Variants in ABCG2 observed in about 807,000 individuals in gnomAD.
The protein encoded by ABCG2 is ATP binding cassette subfamily G member 2 (JR blood group).
A neutral mutation model predicts 73.5 loss-of-function variants in ABCG2; 80 were observed. The observed-to-expected ratio is 1.09, with a 90% CI of 0.91 to 1.31. ABCG2 has a LOEUF of 1.31. Ranked by LOEUF, ABCG2 falls within the 50% of genes most tolerant of loss-of-function variation. ABCG2 has a pLI of 0.00. For synonymous variants in ABCG2, 269 were observed against 282.4 expected (o/e 0.95, Z 0.48); for missense variants, 796 against 786.2 (o/e 1.01, Z -0.15).
intron 5 of ABCG2, among the ~76,000 whole-genome samples, chr4:88,129,690 A>G (rs559661124): frequency 6.6e-6 from 1 of 152,372 alleles, no homozygotes; most frequent in South Asian, 2.1e-4. Context: ...TATGAAGTAT[A>G]CACCATTAGA....
At chr4:88,147,302 C>T (rs1449990240) in intron 1 of ABCG2, among the ~76,000 whole-genome samples, 1 of 151,978 alleles carries the variant, frequency 6.6e-6, no homozygotes, top group Non-Finnish European at 1.5e-5. Context: ...CTCAAAAAAA[C>T]GTACCTAAAC....
Position 88,158,140 on chromosome 4 carries a change from T to C in ABCG2, c.-20+246A>G, listed in dbSNP as rs150293783. ...CATTTGGAGAAAGGCCAAGAGTTTTTACCAACCCACACTTAACACACTATG... is the reference window on the plus strand; with the variant it reads ...CATTTGGAGAAAGGCCAAGAGTTTTCACCAACCCACACTTAACACACTATG... On this transcript the variant is annotated intron_variant, in intron 1 of 15. Transcript: ENST00000237612. 5.8e-4 allele frequency among the ~76,000 whole-genome samples: 89 copies of C among 152,316 alleles called. No individual in the cohort carries two copies. The Middle Eastern group carries it at 0.014, about 23-fold the overall frequency.
chr4:88,093,460 T>A (rs2110168721), intron 15 of ABCG2, among the ~76,000 whole-genome samples: 2 of 141,502 alleles, frequency 1.4e-5, no homozygotes, highest in South Asian at 4.4e-4. Context: ...GCGGACATCG[T>A]GCCACTGCAC....
intron 10 of ABCG2, among the ~76,000 whole-genome samples, chr4:88,105,981 C>T (rs912957323): frequency 2.0e-5 from 3 of 152,094 alleles, no homozygotes; most frequent in African/African-American, 7.2e-5. Flanking sequence ...AACTGGAACC[C>T]TTGTGCACTG....
At chr4:88,148,474 G>A (rs777457706) in intron 1 of ABCG2, among the ~76,000 whole-genome samples, 10 of 152,110 alleles carry the variant, frequency 6.6e-5, no homozygotes, top group Admixed American at 2.0e-4. Context: ...AGGGTGCAGC[G>A]TGCCTGATCA....
rs1041837300 is a variant in ABCG2 at position 88,096,913 on chromosome 4, C to G, written c.1647+540G>C. Among the ~76,000 whole-genome samples, 3 of 152,146 alleles carry G rather than the reference C, an allele frequency of 2.0e-5. No homozygotes were observed. The South Asian group carries it at 6.2e-4, about 31-fold the overall frequency. On this transcript the variant is annotated intron_variant, in intron 13 of 15. Transcript: ENST00000237612. Reference sequence around the variant, plus strand: ...TAGACTACTCAAACCATACTCTGTTCTGCTTCTTATGAGGCTTAATATGTG... The same window carrying G: ...TAGACTACTCAAACCATACTCTGTTGTGCTTCTTATGAGGCTTAATATGTG...
intron 1 of ABCG2, among the ~76,000 whole-genome samples, chr4:88,166,776 T>G (rs944291662): frequency 4.6e-5 from 7 of 151,994 alleles, no homozygotes; most frequent in African/African-American, 1.7e-4. Flanking sequence ...GTCATGTGAG[T>G]GAAGTGATTC....
chr4:88,211,363 A>AC (rs34198736), intron 1 of ABCG2, among the ~76,000 whole-genome samples: 4 of 47,554 alleles, frequency 8.4e-5, no homozygotes, highest in African/African-American at 1.5e-4. Flanking sequence ...CCCCTGCCCC[A>AC]CCCCCCCCCA....
At chr4:88,176,692 A>G (rs1401820573) in intron 1 of ABCG2, among the ~76,000 whole-genome samples, 6 of 135,662 alleles carry the variant, frequency 4.4e-5, no homozygotes, top group Non-Finnish European at 9.3e-5. Context: ...CAGGGTCTCA[A>G]TATGTTCCCC....
intron 5 of ABCG2, among the ~76,000 whole-genome samples, chr4:88,126,502 G>A (rs1465694375): frequency 6.6e-6 from 1 of 152,146 alleles, no homozygotes; most frequent in African/African-American, 2.4e-5. Flanking sequence ...CAATATCCCT[G>A]ATCAACATCA....
chr4:88,185,949 G>C (rs550390389), intron 1 of ABCG2, among the ~76,000 whole-genome samples: 1 of 152,092 alleles, frequency 6.6e-6, no homozygotes, highest in Admixed American at 6.5e-5. Flanking sequence ...TAGTTTGGAG[G>C]TTTCTCAAAA....
chr4:88,142,032 A>G (rs1320439380), intron 1 of ABCG2, among the ~76,000 whole-genome samples: 1 of 152,126 alleles, frequency 6.6e-6, no homozygotes. Context: ...AGACTAGTAC[A>G]CAGAAAACAT....
chr4:88,098,399 G>A (rs992843505), intron 12 of ABCG2, among the ~76,000 whole-genome samples: 4 of 151,944 alleles, frequency 2.6e-5, no homozygotes, highest in East Asian at 1.9e-4. Context: ...AGTGAAGCCT[G>A]AGCATAATGC....
At chr4:88,106,544 T>C (rs947817730) in intron 10 of ABCG2, among the ~76,000 whole-genome samples, 35 of 152,226 alleles carry the variant, frequency 2.3e-4, no homozygotes, top group Non-Finnish European at 8.8e-5. Context: ...TCCACTTATA[T>C]GAGGGTCTTA....
At chr4:88,102,608 A>AG (rs397743305) in intron 10 of ABCG2, among the ~76,000 whole-genome samples, 2 of 151,220 alleles carry the variant, frequency 1.3e-5, no homozygotes, top group Non-Finnish European at 3.0e-5. Flanking sequence ...AAAAAAAAAA[A>AG]TTAAAAAATA....
rs1425581427 is a variant in ABCG2 at position 88,139,913 on chromosome 4, A to G, written c.83T>C (p.Leu28Pro). 2.5e-6 allele frequency: 4 copies of G among 1,614,028 alleles called. No individual in the cohort carries two copies. The highest frequency in any genetic ancestry group is 1.3e-5 in the African/African-American group (1 of 74,938). The stretch of plus-strand genomic sequence containing the variant: ...CACAGCTCCTTCAGTAAATGCCTTC[A>G]GGTCATTGGAAGCTGTCGCGGGGAA... The part of the protein sequence containing the change: ...NGFPATASND[L>P]KAFTEGAVLS... The change falls in exon 2 of 16, where the codon CTG (leucine) becomes CCG (proline). Residue 28 changes from leucine to proline, a missense_variant. Leu to Pro is a moderately conservative substitution (Grantham distance 98, BLOSUM62 -3). Transcript: ENST00000237612.
Position 88,097,687 on chromosome 4 carries a change from A to G in ABCG2, c.1493-80T>C, listed in dbSNP as rs1300962414. 6.3e-6 allele frequency: 9 copies of G among 1,439,494 alleles called. No homozygotes were observed. The African/African-American group carries it at 1.0e-4, about 16-fold the overall frequency. The allele number at this position is 1,439,494 out of a possible 1,614,324, so 89.2% of individuals were successfully genotyped here. On this transcript the variant is annotated intron_variant, in intron 12 of 15. Coordinates refer to ENST00000237612, the MANE Select transcript of ABCG2 (RefSeq NM_004827.3). ...TGGGATTGCTTATTGTGCAAATTTA[A>G]CACTAATATTTTGAGAAACTAATAT...
chr4:88,190,485 A>G (rs1457472509), intron 1 of ABCG2, among the ~76,000 whole-genome samples: 1 of 152,216 alleles, frequency 6.6e-6, no homozygotes, highest in African/African-American at 2.4e-5. Context: ...TTAATTGCAA[A>G]GTCCCTTCCA....
upstream of ABCG2, among the ~76,000 whole-genome samples, chr4:88,160,798 A>C (rs891759539): frequency 1.0e-4 from 15 of 150,020 alleles, no homozygotes; most frequent in Admixed American, 2.0e-4. Context: ...GCAGTGAGCC[A>C]AGATCATGTC....
Sources: gnomAD v4.1 joint callset for allele counts (sites outside exome capture counted in the v4.1 genomes callset) on GRCh38, gnomAD v4.1.1 for gene constraint, MANE v1.5 for transcripts, NCBI Gene and HGNC (gene_info 2026-07-23, HGNC 2026-07-21) for gene names.